Variants in DYM observed in about 807,000 individuals in gnomAD.
The protein encoded by DYM is dymeclin, also known as dyggve-Melchior-Clausen syndrome protein.
Under a neutral mutation model 93.1 loss-of-function variants are expected in DYM, and 78 were observed. The observed-to-expected ratio is 0.84, with a 90% CI of 0.70 to 1.01. The LOEUF (loss-of-function observed/expected upper bound fraction) is 1.01, where lower values mean the gene tolerates loss of function less well. DYM is among the 50% of genes least tolerant of loss of function. The pLI is 0.00. For missense variants in DYM, 789 were observed against 845.0 expected (o/e 0.93, Z 0.82); for synonymous variants, 321 against 319.7 (o/e 1.00, Z -0.04).
At chr18:49,428,519 C>G (rs1466388175) in intron 2 of DYM, among the ~76,000 whole-genome samples, 1 of 151,942 alleles carries the variant, frequency 6.6e-6, no homozygotes, top group Non-Finnish European at 1.5e-5. Context: ...ATCTCATCTC[C>G]ACAAAAAATA....
chr18:49,218,362 C>A (rs1173264081), intron 13 of DYM, among the ~76,000 whole-genome samples: 2 of 152,204 alleles, frequency 1.3e-5, no homozygotes, highest in South Asian at 2.1e-4. Flanking sequence ...AGAAAGTTAA[C>A]AAGGATATCC....
chr18:49,304,014 G>A (rs1331658304), intron 8 of DYM, among the ~76,000 whole-genome samples: 2 of 152,158 alleles, frequency 1.3e-5, no homozygotes, highest in East Asian at 3.9e-4. Flanking sequence ...AATTCCTGCA[G>A]TTTGGAAGAA....
rs1332431500 is a variant in DYM, at chr18:49,196,930, GA to G, written c.1625+12620del. 2.0e-5 allele frequency among the ~76,000 whole-genome samples: 3 copies of G among 151,970 alleles called. No homozygotes were observed. In the East Asian group the frequency reaches 5.8e-4, roughly 29 times the overall value. On this transcript the variant is annotated intron_variant, in intron 14 of 17. Coordinates refer to ENST00000675505, the MANE Select transcript of DYM (RefSeq NM_001353214.3). Reference sequence around the variant, plus strand: ...TAGGGTGACTGGCAGTGGTAACAGAGAAAAAAAAGTAGAGATTTGATTTATA... The same window carrying G: ...TAGGGTGACTGGCAGTGGTAACAGAGAAAAAAAGTAGAGATTTGATTTATA...
At chr18:49,132,707 C>T (rs1212716168) in intron 15 of DYM, among the ~76,000 whole-genome samples, 1 of 151,970 alleles carries the variant, frequency 6.6e-6, no homozygotes, top group East Asian at 1.9e-4. Flanking sequence ...AACATATGAA[C>T]ATTAAATTCA....
intron 8 of DYM, among the ~76,000 whole-genome samples, chr18:49,289,752 T>G (rs1264050724): frequency 2.4e-5 from 1 of 42,226 alleles, no homozygotes; most frequent in South Asian, 6.9e-4. Flanking sequence ...TATATATATA[T>G]ATATATATAT....
chr18:49,289,772 T>TATACATAC (rs1555678772), intron 8 of DYM, among the ~76,000 whole-genome samples: 5 of 36,642 alleles, frequency 1.4e-4, no homozygotes, highest in African/African-American at 6.3e-4. Context: ...TATATATATA[T>TATACATAC]ACACATATAT....
At chr18:49,136,639 AGT>A (rs1298763919) in intron 15 of DYM, among the ~76,000 whole-genome samples, 1 of 152,202 alleles carries the variant, frequency 6.6e-6, no homozygotes, top group Non-Finnish European at 1.5e-5. Flanking sequence ...CTTGGGAAGA[AGT>A]GTGTAGAAAC....
intron 15 of DYM, among the ~76,000 whole-genome samples, chr18:49,155,708 A>T (rs985891531): frequency 1.3e-5 from 2 of 152,260 alleles, no homozygotes; most frequent in Non-Finnish European, 2.9e-5. Context: ...AGAATGTATC[A>T]GCATTTAATT....
chr18:49,284,600 A>G (rs1568169423), intron 9 of DYM, among the ~76,000 whole-genome samples: 1 of 152,174 alleles, frequency 6.6e-6, no homozygotes, highest in Admixed American at 6.5e-5. Context: ...TATTATCTCT[A>G]TTTTATAGGC....
intron 1 of DYM, among the ~76,000 whole-genome samples, chr18:49,453,774 TA>T (rs1419967072): frequency 6.6e-6 from 1 of 152,204 alleles, no homozygotes; most frequent in Non-Finnish European, 1.5e-5. Flanking sequence ...CCGAGTTTGC[TA>T]GAACTTCTTA....
intron 17 of DYM, among the ~76,000 whole-genome samples, chr18:49,069,172 G>A (rs945966163): frequency 6.6e-5 from 10 of 152,106 alleles, no homozygotes; most frequent in African/African-American, 2.2e-4. Context: ...AGATACTAAC[G>A]TGTTCATGGA....
intron 14 of DYM, among the ~76,000 whole-genome samples, chr18:49,176,453 C>T (rs181415397): frequency 6.6e-6 from 1 of 151,548 alleles, no homozygotes; most frequent in Non-Finnish European, 1.5e-5. Context: ...TTCTGTTGAC[C>T]AGGCTAGAGT....
chr18:49,141,742 T>C (rs2084523650), intron 15 of DYM, among the ~76,000 whole-genome samples: 1 of 152,232 alleles, frequency 6.6e-6, no homozygotes, highest in Admixed American at 6.5e-5. Context: ...AATTGCTAAA[T>C]GATGTTTATT....
At chr18:49,259,013 A>G (rs1209309643) in intron 11 of DYM, among the ~76,000 whole-genome samples, 1 of 151,546 alleles carries the variant, frequency 6.6e-6, no homozygotes, top group Non-Finnish European at 1.5e-5. Flanking sequence ...GGCTCAGCCG[A>G]GCACTAGAAC....
chr18:49,299,414 A>C, intron 8 of DYM, among the ~76,000 whole-genome samples: 1 of 152,216 alleles, frequency 6.6e-6, no homozygotes, highest in Non-Finnish European at 1.5e-5. Context: ...AGGAAAACAG[A>C]CAAGTCTTTA....
At chr18:49,344,276 T>A (rs967198333) in intron 6 of DYM, among the ~76,000 whole-genome samples, 6 of 152,154 alleles carry the variant, frequency 3.9e-5, no homozygotes, top group Non-Finnish European at 8.8e-5. Flanking sequence ...TACTGCTTCC[T>A]CGTTACCACG....
chr18:49,184,614 G>T (rs1395060043), intron 14 of DYM, among the ~76,000 whole-genome samples: 1 of 152,110 alleles, frequency 6.6e-6, no homozygotes, highest in Non-Finnish European at 1.5e-5. Context: ...TGAGATGGCT[G>T]CTAAGTAATG....
At chr18:49,398,312 A>G (rs1434078215) in intron 2 of DYM, among the ~76,000 whole-genome samples, 1 of 151,798 alleles carries the variant, frequency 6.6e-6, no homozygotes, top group Non-Finnish European at 1.5e-5. Context: ...CCCTTTTTCT[A>G]TCTTCCCACC....
At chr18:49,157,916 T>C (rs1370981837) in intron 15 of DYM, among the ~76,000 whole-genome samples, 1 of 152,252 alleles carries the variant, frequency 6.6e-6, no homozygotes, top group Admixed American at 6.5e-5. Flanking sequence ...CTATGGTCCA[T>C]TTTGAGTTAA....
Sources: gnomAD v4.1 joint callset for allele counts (sites outside exome capture counted in the v4.1 genomes callset) on GRCh38, gnomAD v4.1.1 for gene constraint, MANE v1.5 for transcripts, NCBI Gene and HGNC (gene_info 2026-07-23, HGNC 2026-07-21) for gene names.